UGT8: variants seen among roughly 807,000 people sequenced by gnomAD.
UGT8 encodes the protein 2-hydroxyacylsphingosine 1-beta-galactosyltransferase.
A neutral mutation model predicts 40.5 loss-of-function variants in UGT8; 12 were observed. The ratio of observed to expected loss-of-function variants is 0.30; its 90% CI spans 0.19 to 0.48. UGT8 has a LOEUF of 0.48. Among genes scored for constraint, UGT8 ranks in the 20% least tolerant of loss-of-function variants. The pLI is 0.99. For synonymous variants in UGT8, 224 were observed against 240.4 expected, an observed-to-expected ratio of 0.93 and a Z score of 0.63; for missense variants, 513 against 648.7, an observed-to-expected ratio of 0.79 and a Z score of 2.27.
chr4:114,671,694 T>A (rs572655955), intron 5 of UGT8, among the ~76,000 whole-genome samples: 2 of 152,270 alleles, frequency 1.3e-5, no homozygotes, highest in Admixed American at 1.3e-4. Context: ...ATTAAAGACT[T>A]AAATGTAAAA....
rs75892904 is a variant in UGT8, at chr4:114,658,605, T to C, written c.823-5390T>C. On this transcript the variant is annotated intron_variant, in intron 2 of 5. Transcript: ENST00000310836. ...AAGGATGGAGGTGGGCTTGCACCGT[T>C]CAACTTTTAATTATACTTGCACTGT... Among the ~76,000 whole-genome samples, 1,098 of 152,318 alleles carry C rather than the reference T, an allele frequency of 7.2e-3. 15 individuals are homozygous for C. The highest frequency in any genetic ancestry group is 0.024 in the African/African-American group (1,017 of 41,574).
rs73846446 is a variant in UGT8, at chr4:114,603,664, C to T, written c.-3+4690C>T. ...TCGGTTCCCACCCCCTCTCGAGCCCCGAATAGCTCTGTGACCTTGAGCTCA... is the reference window on the plus strand; with the variant it reads ...TCGGTTCCCACCCCCTCTCGAGCCCTGAATAGCTCTGTGACCTTGAGCTCA... On this transcript the variant is annotated intron_variant, in intron 1 of 5. Transcript: ENST00000310836. Among the ~76,000 whole-genome samples, 746 of 152,184 alleles carry T rather than the reference C, an allele frequency of 4.9e-3. 7 individuals are homozygous for T. The highest frequency in any genetic ancestry group is 0.017 in the African/African-American group (704 of 41,524).
intron 1 of UGT8, among the ~76,000 whole-genome samples, chr4:114,600,648 C>G (rs10434022): frequency 0.61 from 93,416 of 152,034 alleles, 31,900 homozygotes; most frequent in East Asian, 0.81. Flanking sequence ...TTATCTTTAA[C>G]CAATATTTTA....
chr4:114,665,491 A>T, intron 3 of UGT8, 189 bp from the exon 4 acceptor site: 13 of 981,596 alleles, frequency 1.3e-5, no homozygotes, highest in Non-Finnish European at 1.6e-5. Context: ...TTTTCCTCCA[A>T]CCAGTGAAAG....
At chr4:114,670,507 C>G (rs1021408335) in intron 5 of UGT8, among the ~76,000 whole-genome samples, 5 of 147,688 alleles carry the variant, frequency 3.4e-5, no homozygotes, top group African/African-American at 1.2e-4. Flanking sequence ...AAGGCTGGTT[C>G]AACATATGTA....
chr4:114,656,972 A>C (rs1734231668), intron 2 of UGT8: 1 of 346,826 alleles, frequency 2.9e-6, no homozygotes, highest in African/African-American at 2.3e-5. Flanking sequence ...CATGGCTATC[A>C]AATAATCATT....
chr4:114,663,212 A>C (rs1734659555), intron 2 of UGT8, among the ~76,000 whole-genome samples: 1 of 152,136 alleles, frequency 6.6e-6, no homozygotes, highest in South Asian at 2.1e-4. Context: ...TGGCTGACAC[A>C]GGCATGGCAA....
chr4:114,634,702 G>A (rs1732781006), intron 2 of UGT8, among the ~76,000 whole-genome samples: 1 of 152,176 alleles, frequency 6.6e-6, no homozygotes, highest in Non-Finnish European at 1.5e-5. Context: ...CAGACCATTG[G>A]TAGAGGTGAC....
chr4:114,618,712 TC>T (rs1361926097), intron 1 of UGT8, among the ~76,000 whole-genome samples: 1 of 152,198 alleles, frequency 6.6e-6, no homozygotes, highest in Non-Finnish European at 1.5e-5. Flanking sequence ...TTTTTCTCTT[TC>T]CAGATAATCC....
chr4:114,605,474 T>A (rs951682399), intron 1 of UGT8, among the ~76,000 whole-genome samples: 2 of 152,172 alleles, frequency 1.3e-5, no homozygotes, highest in Non-Finnish European at 2.9e-5. Flanking sequence ...TCTGATTTGG[T>A]AAATATGTGC....
At chr4:114,675,823 G>C in intron 5 of UGT8, 102 bp from the exon 6 acceptor site, 2 of 1,323,000 alleles carry the variant, frequency 1.5e-6, no homozygotes, top group African/African-American at 1.6e-5. Flanking sequence ...ACTTACTAAA[G>C]AATAGTTGTT....
At position 114,623,061 on chromosome 4, in the gene UGT8, G is replaced by C. The variant is rs774987624; in HGVS notation, c.181G>C (p.Asp61His). 9 of 1,614,036 alleles carry C rather than the reference G, an allele frequency of 5.6e-6. No homozygotes were observed. In the South Asian group the frequency reaches 8.8e-5, roughly 16 times the overall value. Residue 61 changes from aspartate (D) to histidine (H), a missense_variant, in exon 2 of 6, where the codon GAC becomes CAC. Physicochemically the swap from Asp to His is moderately conservative, Grantham distance 81. Transcript: ENST00000310836. ...AGTGTTCCTCCTCTCTGAAGGCAGA[G>C]ACATCGCCCCATCTAATCATTACAG... ...HTVFLLSEGR[D>H]IAPSNHYSLQ...
At chr4:114,601,351 A>G (rs768851972) in intron 1 of UGT8, among the ~76,000 whole-genome samples, 3 of 152,174 alleles carry the variant, frequency 2.0e-5, no homozygotes, top group Non-Finnish European at 2.9e-5. Flanking sequence ...CAATCCTCAA[A>G]TCCTTTTTAA....
intron 2 of UGT8, among the ~76,000 whole-genome samples, chr4:114,639,081 C>T (rs902372741): frequency 3.9e-5 from 6 of 152,318 alleles, no homozygotes; most frequent in East Asian, 3.9e-4. Flanking sequence ...AAATAAAATG[C>T]CGTAAACCTT....
chr4:114,651,935 A>G (rs1733916476), intron 2 of UGT8, among the ~76,000 whole-genome samples: 1 of 152,100 alleles, frequency 6.6e-6, no homozygotes, highest in Non-Finnish European at 1.5e-5. Flanking sequence ...TATTGAGTGT[A>G]CACAAATTAT....
chr4:114,607,419 T>C (rs144436886), intron 1 of UGT8, among the ~76,000 whole-genome samples: 5 of 152,274 alleles, frequency 3.3e-5, no homozygotes, highest in Non-Finnish European at 7.4e-5. Flanking sequence ...TGAGAGTTCC[T>C]TCTCCTTTCT....
intron 1 of UGT8, among the ~76,000 whole-genome samples, chr4:114,614,915 C>T (rs1578406996): frequency 8.8e-6 from 1 of 114,176 alleles, no homozygotes; most frequent in African/African-American, 3.4e-5. Context: ...TGAATTCTTT[C>T]TTCTCCTACC....
intron 1 of UGT8, among the ~76,000 whole-genome samples, chr4:114,610,193 G>C (rs1730958761): frequency 6.6e-6 from 1 of 152,112 alleles, no homozygotes; most frequent in East Asian, 1.9e-4. Flanking sequence ...CCTGAATGCT[G>C]GTTCCGACTC....
intron 1 of UGT8, among the ~76,000 whole-genome samples, chr4:114,621,590 G>A (rs768334585): frequency 2.8e-4 from 43 of 152,080 alleles, no homozygotes; most frequent in Non-Finnish European, 4.4e-4. Flanking sequence ...TAAGAGACAC[G>A]TGCTGATATA....
Sources: allele counts gnomAD v4.1 joint callset (sites outside exome capture counted in the v4.1 genomes callset), GRCh38; gene constraint gnomAD v4.1.1; transcripts MANE v1.5; gene names NCBI Gene and HGNC (gene_info 2026-07-23, HGNC 2026-07-21).